MORF4L1: variants seen among roughly 807,000 people sequenced by gnomAD.
The protein encoded by MORF4L1 is mortality factor 4-like protein 1.
In MORF4L1, 4 loss-of-function variants were observed where a neutral mutation model predicts 52.9. The observed-to-expected ratio is 0.08, with a 90% CI of 0.04 to 0.17. The LOEUF (loss-of-function observed/expected upper bound fraction) is 0.17, where lower values mean the gene tolerates loss of function less well. Among genes scored for constraint, MORF4L1 ranks in the 10% least tolerant of loss-of-function variants. MORF4L1 has a pLI of 1.00. For missense variants in MORF4L1, 214 were observed against 390.4 expected, an observed-to-expected ratio of 0.55 and a Z score of 3.81; for synonymous variants, 123 against 134.8, an observed-to-expected ratio of 0.91 and a Z score of 0.61.
At chr15:78,890,911 T>G (rs2056789906) in intron 5 of MORF4L1, 78 bp from the exon 6 acceptor site, 12 of 1,280,140 alleles carry the variant, frequency 9.4e-6, no homozygotes, top group Non-Finnish European at 1.1e-5. Context: ...CTCTGTGAAC[T>G]TAACCCTGAT....
intron 3 of MORF4L1, among the ~76,000 whole-genome samples, chr15:78,885,661 C>T (rs2056689593): frequency 6.6e-6 from 1 of 152,120 alleles, no homozygotes; most frequent in African/African-American, 2.4e-5. Flanking sequence ...TACATGTATT[C>T]TCATAACAGT....
chr15:78,892,351 A>T (rs753994033), intron 8 of MORF4L1, 38 bp downstream of exon 8: 3 of 1,460,844 alleles, frequency 2.1e-6, no homozygotes, highest in Non-Finnish European at 2.9e-6. Context: ...AAGCTATATG[A>T]TACATTCTTG....
intron 5 of MORF4L1, among the ~76,000 whole-genome samples, chr15:78,889,799 A>G (rs764568304): frequency 2.4e-4 from 37 of 152,184 alleles, no homozygotes; most frequent in Non-Finnish European, 5.0e-4. Context: ...TTAATTAATA[A>G]CATTTATAAG....
intron 11 of MORF4L1, among the ~76,000 whole-genome samples, chr15:78,895,624 A>C (rs2056874538): frequency 6.6e-6 from 1 of 152,228 alleles, no homozygotes; most frequent in Admixed American, 6.5e-5. Flanking sequence ...AAAACAGCCA[A>C]GCTGTAGTAG....
chr15:78,892,416 A>G (rs2056816529), intron 8 of MORF4L1, 103 bp downstream of exon 8: 2 of 651,916 alleles, frequency 3.1e-6, no homozygotes, highest in South Asian at 2.2e-5. Context: ...TTATTAAGGT[A>G]TGACTGATAA....
chr15:78,873,807 T>C (rs2056422344), intron 1 of MORF4L1: 1 of 152,410 alleles, frequency 6.6e-6, no homozygotes, highest in Non-Finnish European at 1.5e-5. Flanking sequence ...CACTCTGCTA[T>C]TCTTGGGCGC....
At chr15:78,874,581 TTC>T (rs2056444321) in intron 1 of MORF4L1, among the ~76,000 whole-genome samples, 1 of 55,338 alleles carries the variant, frequency 1.8e-5, no homozygotes, top group Non-Finnish European at 3.3e-5. Flanking sequence ...TTCTTTTTCT[TTC>T]TTTTTTTTTT....
intron 11 of MORF4L1, among the ~76,000 whole-genome samples, chr15:78,896,171 G>A (rs1337495178): frequency 6.6e-6 from 1 of 151,804 alleles, no homozygotes; most frequent in Middle Eastern, 3.2e-3. Flanking sequence ...TAGAGATGGG[G>A]TTTTGCCATG....
rs375150302 is a variant in MORF4L1 at position 78,878,294 on chromosome 15, A to C, written c.87+35A>C. The C allele has an allele frequency of 4.4e-6, 7 of 1,596,646 alleles. No homozygotes were observed. The African/African-American group carries it at 9.4e-5, about 21-fold the overall frequency. On this transcript the variant is annotated intron_variant, in intron 2 of 11. Transcript: ENST00000426013. ...TTGTTTTCTTTTGAGAAGTTGGCCA[A>C]AACTACTGGTTAGATCTGGCCATTT...
At chr15:78,878,104 T>A in intron 1 of MORF4L1, 109 bp from the exon 2 acceptor site, 1 of 1,113,422 alleles carries the variant, frequency 9.0e-7, no homozygotes, top group Non-Finnish European at 1.3e-6. Flanking sequence ...TCCTCATTTT[T>A]CCTAATTTGG....
intron 9 of MORF4L1, 137 bp downstream of exon 9, chr15:78,893,764 CAG>C: frequency 6.0e-6 from 4 of 662,604 alleles, no homozygotes; most frequent in Middle Eastern, 2.9e-4. Context: ...TGCTTTGACA[CAG>C]GAGTTGGCTG....
At chr15:78,877,379 C>G (rs929006284) in intron 1 of MORF4L1, among the ~76,000 whole-genome samples, 4 of 152,168 alleles carry the variant, frequency 2.6e-5, no homozygotes, top group Non-Finnish European at 5.9e-5. Flanking sequence ...CTCGGCCTCC[C>G]TAAGTGATGG....
At chr15:78,893,678 T>C (rs1324694667) in intron 9 of MORF4L1, 51 bp downstream of exon 9, 2 of 1,244,980 alleles carry the variant, frequency 1.6e-6, no homozygotes, top group Admixed American at 2.2e-5. Flanking sequence ...TAAAAAAGTT[T>C]CTAAATAAGT....
chr15:78,874,037 T>A (rs2056428875), intron 1 of MORF4L1: 1 of 152,200 alleles, frequency 6.6e-6, no homozygotes, highest in Non-Finnish European at 1.5e-5. Flanking sequence ...TCGATTGACA[T>A]GAGTTTTGGG....
At chr15:78,882,657 A>G (rs1252116081) in intron 3 of MORF4L1, among the ~76,000 whole-genome samples, 1 of 152,206 alleles carries the variant, frequency 6.6e-6, no homozygotes, top group African/African-American at 2.4e-5. Flanking sequence ...TCATTTCTCT[A>G]CAGGAAAGAT....
At chr15:78,878,798 TAAAAAA>T (rs754996997) in intron 2 of MORF4L1, among the ~76,000 whole-genome samples, 2 of 152,092 alleles carry the variant, frequency 1.3e-5, no homozygotes, top group South Asian at 4.2e-4. Context: ...CATTCCAAAG[TAAAAAA>T]AAGTTTCAGT....
chr15:78,896,793 G>A (rs1006876719), intron 11 of MORF4L1, among the ~76,000 whole-genome samples, 190 bp from the exon 12 acceptor site: 5 of 152,164 alleles, frequency 3.3e-5, no homozygotes, highest in African/African-American at 9.7e-5. Flanking sequence ...TATATGTATA[G>A]TGTTGTTCAT....
At chr15:78,885,049 G>C (rs200569244) in intron 3 of MORF4L1, 4 of 1,614,060 alleles carry the variant, frequency 2.5e-6, no homozygotes, top group Non-Finnish European at 3.4e-6. Flanking sequence ...TCCTGAAGGA[G>C]CTCCCTCAGT....
Position 78,882,666 on chromosome 15 carries a change from A to G in MORF4L1, c.155+2087A>G, listed in dbSNP as rs551466163. Among the ~76,000 whole-genome samples the G allele has an allele frequency of 1.8e-4, 28 of 152,354 alleles. 1 individual carries two copies. The South Asian group carries it at 5.8e-3, about 32-fold the overall frequency. ...AGAATTTCATTTCTCTACAGGAAAG[A>G]TAACATCTTAATTTTATGCATACTA... is the stretch of plus-strand genomic sequence containing the variant. On this transcript the variant is annotated intron_variant, in intron 3 of 11. Coordinates refer to ENST00000426013, the MANE Select transcript of MORF4L1 (RefSeq NM_006791.4).
Sources: allele counts gnomAD v4.1 joint callset (sites outside exome capture counted in the v4.1 genomes callset), GRCh38; gene constraint gnomAD v4.1.1; transcripts MANE v1.5; gene names NCBI Gene and HGNC (gene_info 2026-07-23, HGNC 2026-07-21).